Variants in BORCS5 observed in about 807,000 individuals in gnomAD.
The protein encoded by BORCS5 is BLOC-1-related complex subunit 5.
A neutral mutation model predicts 22.1 loss-of-function variants in BORCS5; 17 were observed. That is an observed-to-expected ratio of 0.77 (90% confidence interval 0.53 to 1.15). The LOEUF is 1.15. Among genes scored for constraint, BORCS5 ranks in the 50% most tolerant of loss-of-function variants. The pLI is 0.00. For synonymous variants in BORCS5, 117 were observed against 99.8 expected (o/e 1.17, Z -1.03); for missense variants, 247 against 253.2 (o/e 0.98, Z 0.17).
In BORCS5 at chr12:12,444,382, A is replaced by G. The variant is rs566167265; in HGVS notation, c.360+8597A>G. ...GAGTTCAGGGACTCAGTTTCCTTCT[A>G]TCTTGTGGCTCTGCCGTCCCCAAAG... On this transcript the variant is annotated intron_variant, in intron 3 of 3. Transcript: ENST00000314565. 5.3e-4 allele frequency among the ~76,000 whole-genome samples: 80 copies of G among 152,296 alleles called. No individual in the cohort carries two copies. The South Asian group carries it at 0.016, about 30-fold the overall frequency.
chr12:12,446,495 G>A (rs886500055), intron 3 of BORCS5, among the ~76,000 whole-genome samples: 14 of 152,150 alleles, frequency 9.2e-5, no homozygotes, highest in East Asian at 1.9e-4. Flanking sequence ...GCTCACTGTC[G>A]TGTTTATCTG....
chr12:12,393,738 T>C, intron 2 of BORCS5, among the ~76,000 whole-genome samples: 1 of 1,164 alleles, frequency 8.6e-4, no homozygotes. Context: ...CAGGCTGTTC[T>C]TGAACTCCTG....
At chr12:12,404,246 T>C (rs1002201965) in intron 2 of BORCS5, among the ~76,000 whole-genome samples, 4 of 152,160 alleles carry the variant, frequency 2.6e-5, no homozygotes, top group African/African-American at 9.7e-5. Context: ...AAATTAGAGA[T>C]CTTTAGCCAA....
rs1282956703 is a variant in BORCS5 at position 12,414,624 on chromosome 12, G to T, written c.203-21004G>T. Among the ~76,000 whole-genome samples the T allele has an allele frequency of 1.3e-3, 132 of 102,800 alleles. 7 individuals carry two copies. Among genetic ancestry groups the T allele is most frequent in the African/African-American group, 5.9e-3 (124 of 20,960 alleles). The allele number at this position is 102,800 out of a possible 152,430, so 67.4% of individuals were successfully genotyped here. On this transcript the variant is annotated intron_variant, in intron 2 of 3. Transcript: ENST00000314565. Reference sequence around the variant, plus strand: ...GGGCAGAGGGGCTCCTCACTTCCCAGTAGGGGCGGCCGGGCAGAGGAGCCC... The same window carrying T: ...GGGCAGAGGGGCTCCTCACTTCCCATTAGGGGCGGCCGGGCAGAGGAGCCC...
chr12:12,415,576 A>AAGGGG (rs1404626287), intron 2 of BORCS5, among the ~76,000 whole-genome samples: 2 of 37,882 alleles, frequency 5.3e-5, no homozygotes, highest in Non-Finnish European at 5.3e-5. Context: ...GGGGAGGGGG[A>AAGGGG]GGGGCGATTT....
chr12:12,406,488 C>T (rs568171240), intron 2 of BORCS5, among the ~76,000 whole-genome samples: 65 of 152,290 alleles, frequency 4.3e-4, no homozygotes, highest in Non-Finnish European at 7.5e-4. Flanking sequence ...TGAGTTAACA[C>T]GTGCAAGAAG....
At chr12:12,358,476 T>G (rs982702453) in intron 1 of BORCS5, among the ~76,000 whole-genome samples, 2 of 152,258 alleles carry the variant, frequency 1.3e-5, no homozygotes, top group Non-Finnish European at 2.9e-5. Context: ...GTTTTTCTAT[T>G]TCCTTGGAAG....
chr12:12,374,842 G>C (rs1293503622), intron 2 of BORCS5, among the ~76,000 whole-genome samples: 1 of 151,388 alleles, frequency 6.6e-6, no homozygotes, highest in Non-Finnish European at 1.5e-5. Flanking sequence ...GCTGTAATCA[G>C]CTACTGGGGA....
Position 12,465,635 on chromosome 12 carries a change from C to T in BORCS5, c.450C>T (p.Asn150=), listed in dbSNP as rs563114973. Residue 150 remains asparagine, a synonymous_variant, in exon 4 of 4, where the codon AAC becomes AAT. Transcript: ENST00000314565. ...ATGCCGAGCAGATCCAGAAAGTGAA[C>T]GAGATGTCCGCCATCCTCCGCCGCA... ...AKYAEQIQKV[N]EMSAILRRIQ... 1.5e-5 allele frequency: 24 copies of T among 1,614,266 alleles called. No homozygotes were observed. The highest frequency in any genetic ancestry group is 2.7e-5 in the African/African-American group (2 of 75,070).
chr12:12,371,007 C>G (rs1455260331), intron 2 of BORCS5, among the ~76,000 whole-genome samples: 1 of 152,162 alleles, frequency 6.6e-6, no homozygotes, highest in Non-Finnish European at 1.5e-5. Flanking sequence ...CCTCGGCCTC[C>G]CAAAGTGCTG....
intron 3 of BORCS5, among the ~76,000 whole-genome samples, chr12:12,437,865 C>T (rs1592127706): frequency 6.6e-6 from 1 of 152,052 alleles, no homozygotes; most frequent in Admixed American, 6.5e-5. Context: ...TGGGCAGAAG[C>T]GATTCTCCAA....
chr12:12,446,602 G>T (rs1942795874), intron 3 of BORCS5, among the ~76,000 whole-genome samples: 1 of 152,184 alleles, frequency 6.6e-6, no homozygotes, highest in Non-Finnish European at 1.5e-5. Context: ...AATTGTTTTA[G>T]ATCTCAGGGA....
intron 2 of BORCS5, among the ~76,000 whole-genome samples, chr12:12,393,645 G>A (rs1302000966): frequency 2.7e-5 from 4 of 146,712 alleles, no homozygotes; most frequent in Non-Finnish European, 4.5e-5. Flanking sequence ...TCAACCTCCT[G>A]AGTAGCTGGG....
At chr12:12,384,104 TTC>T (rs1387614245) in intron 2 of BORCS5, among the ~76,000 whole-genome samples, 1 of 151,056 alleles carries the variant, frequency 6.6e-6, no homozygotes, top group Non-Finnish European at 1.5e-5. Context: ...ACTCCAAGAT[TTC>T]TGTTTGGTTT....
In BORCS5 at chr12:12,443,841, G is replaced by A. The variant is rs1426465549; in HGVS notation, c.360+8056G>A. Among the ~76,000 whole-genome samples the A allele has an allele frequency of 2.0e-5, 3 of 152,194 alleles. No homozygotes were observed. The East Asian group carries it at 5.8e-4, about 29-fold the overall frequency. On this transcript the variant is annotated intron_variant, in intron 3 of 3. Transcript: ENST00000314565. ...AGCTTTCCCAGTGCCAGGTTCTAGA[G>A]CCCCTGTTCTTCTCCCTCCCCTGCT...
intron 2 of BORCS5, among the ~76,000 whole-genome samples, chr12:12,432,700 G>C (rs1159365668): frequency 6.6e-6 from 1 of 152,140 alleles, no homozygotes; most frequent in Non-Finnish European, 1.5e-5. Flanking sequence ...AATAAAAAAA[G>C]AATTAACCAT....
intron 3 of BORCS5, among the ~76,000 whole-genome samples, chr12:12,457,548 A>T (rs1420873579): frequency 6.6e-6 from 1 of 152,154 alleles, no homozygotes; most frequent in Non-Finnish European, 1.5e-5. Context: ...GGGCGCCTGT[A>T]GTCCCAGCTA....
intron 2 of BORCS5, among the ~76,000 whole-genome samples, chr12:12,408,295 A>T (rs372909524): frequency 9.9e-5 from 15 of 152,250 alleles, no homozygotes; most frequent in African/African-American, 3.1e-4. Flanking sequence ...CCCTGCTTTC[A>T]GTTCTTTTGG....
intron 3 of BORCS5, among the ~76,000 whole-genome samples, chr12:12,454,802 C>T (rs1003425904): frequency 4.6e-5 from 7 of 152,184 alleles, no homozygotes; most frequent in African/African-American, 1.7e-4. Flanking sequence ...TATATTATCT[C>T]ATTATAACCA....
Sources: allele counts gnomAD v4.1 joint callset (sites outside exome capture counted in the v4.1 genomes callset), GRCh38; gene constraint gnomAD v4.1.1; transcripts MANE v1.5; gene names NCBI Gene and HGNC (gene_info 2026-07-23, HGNC 2026-07-21).